Variants in ADCY2 observed in about 807,000 individuals in gnomAD.
ADCY2 encodes adenylate cyclase type 2.
In ADCY2, 31 loss-of-function variants were observed where a neutral mutation model predicts 125.2. That is an observed-to-expected ratio of 0.25 (90% CI 0.19 to 0.33). ADCY2 has a LOEUF of 0.33. ADCY2 is among the 10% of genes least tolerant of loss of function. The pLI, the probability that ADCY2 is intolerant of heterozygous loss-of-function variation, is 1.00. For missense variants in ADCY2, 904 were observed against 1,418.2 expected (o/e 0.64, Z 5.82); for synonymous variants, 512 against 548.4 (o/e 0.93, Z 0.93).
chr5:7,763,262 TTG>T (rs1743288517), intron 16 of ADCY2, among the ~76,000 whole-genome samples: 1 of 151,302 alleles, frequency 6.6e-6, no homozygotes, highest in Admixed American at 6.6e-5. Flanking sequence ...GGCCAATTTT[TTG>T]TATTTTTTAG....
At chr5:7,698,170 G>T in intron 6 of ADCY2, 77 bp from the exon 7 acceptor site, 1 of 1,573,340 alleles carries the variant, frequency 6.4e-7, no homozygotes. Context: ...CAGAGCTGGC[G>T]CTTGATGATA....
chr5:7,815,793 G>A (rs1745093032), intron 22 of ADCY2, among the ~76,000 whole-genome samples: 1 of 152,168 alleles, frequency 6.6e-6, no homozygotes, highest in Admixed American at 6.5e-5. Flanking sequence ...AGTAAATGAG[G>A]AAATTGTTAC....
chr5:7,697,244 A>T (rs1740923651), intron 6 of ADCY2, among the ~76,000 whole-genome samples: 1 of 152,140 alleles, frequency 6.6e-6, no homozygotes, highest in African/African-American at 2.4e-5. Context: ...GAAGGACACA[A>T]TTCATTACCC....
In ADCY2 at chr5:7,802,270, C is replaced by T; in HGVS notation, c.2681C>T (p.Pro894Leu). Residue 894 changes from proline to leucine, a missense_variant, in exon 21 of 25, where the codon CCG (proline) becomes CTG (leucine). Pro to Leu is a moderately conservative substitution (Grantham distance 98, BLOSUM62 -3). Around this residue, in one of 7 missense-constraint regions of ADCY2, gnomAD observed 181 missense variants for 381.6 expected, o/e 0.47. Coordinates refer to ENST00000338316, the MANE Select transcript of ADCY2 (RefSeq NM_020546.3). The surrounding 1 kb of genome is among the most constrained non-coding windows in gnomAD (Gnocchi z 4.6). ...GTCTGCGTCATGTTTGCCTCCATTC[C>T]GGATTTCAAAGAATTTTATACAGAA... is the stretch of plus-strand genomic sequence containing the variant. ...DCVCVMFASI[P>L]DFKEFYTESD... The T allele has an allele frequency of 1.9e-6, 3 of 1,614,086 alleles. No homozygotes were observed. Among genetic ancestry groups the T allele is most frequent in the Non-Finnish European group, 2.5e-6 (3 of 1,179,954 alleles).
At chr5:7,629,389 C>G (rs879502157) in intron 4 of ADCY2, among the ~76,000 whole-genome samples, 2 of 152,166 alleles carry the variant, frequency 1.3e-5, no homozygotes, top group Non-Finnish European at 2.9e-5. Context: ...AATTGCAAAA[C>G]TCCATGCTGT....
At chr5:7,663,386 T>G (rs182939279) in intron 4 of ADCY2, among the ~76,000 whole-genome samples, 1 of 152,230 alleles carries the variant, frequency 6.6e-6, no homozygotes, top group South Asian at 2.1e-4. Flanking sequence ...TGTCTCTGGG[T>G]GCACTTTTGT....
At chr5:7,806,280 A>G (rs1744759200) in intron 22 of ADCY2, among the ~76,000 whole-genome samples, 1 of 152,110 alleles carries the variant, frequency 6.6e-6, no homozygotes, top group Non-Finnish European at 1.5e-5. Flanking sequence ...ATGCTCCTCC[A>G]ATGCCTTTAA....
Position 7,824,360 on chromosome 5 carries a change from G to A in ADCY2, c.3124-2359G>A, listed in dbSNP as rs115358687. 6.5e-3 allele frequency among the ~76,000 whole-genome samples: 986 copies of A among 152,222 alleles called. 5 individuals are homozygous for A. Among genetic ancestry groups the A allele is most frequent in the Non-Finnish European group, 9.9e-3 (671 of 68,020 alleles). On this transcript the variant is annotated intron_variant, in intron 24 of 24. Transcript: ENST00000338316. ...CCTCCCGGTTTCCCATTAATCATGC[G>A]GTGCTGATTGGCGGGTGGTTCGGCA...
intron 3 of ADCY2, among the ~76,000 whole-genome samples, chr5:7,609,345 G>T (rs1001931214): frequency 1.3e-5 from 2 of 152,218 alleles, no homozygotes; most frequent in African/African-American, 4.8e-5. Context: ...GCCCATAAGG[G>T]CAGGGCTTTG....
intron 18 of ADCY2, among the ~76,000 whole-genome samples, chr5:7,778,878 G>A (rs904521265): frequency 6.6e-6 from 1 of 152,206 alleles, no homozygotes; most frequent in African/African-American, 2.4e-5. Flanking sequence ...GGGGCAGATG[G>A]TCTGTGGATA....
chr5:7,656,742 G>A (rs2126687920), intron 4 of ADCY2, among the ~76,000 whole-genome samples: 1 of 152,320 alleles, frequency 6.6e-6, no homozygotes, highest in South Asian at 2.1e-4. Context: ...AGGCAGATGT[G>A]CGATTGTAAT....
intron 3 of ADCY2, among the ~76,000 whole-genome samples, chr5:7,574,916 C>T (rs1269873356): frequency 6.6e-6 from 1 of 151,874 alleles, no homozygotes; most frequent in African/African-American, 2.4e-5. Flanking sequence ...TTTTTACACC[C>T]AAATAAAATA....
At chr5:7,466,003 G>T (rs1351030424) in intron 2 of ADCY2, among the ~76,000 whole-genome samples, 1 of 152,140 alleles carries the variant, frequency 6.6e-6, no homozygotes, top group Non-Finnish European at 1.5e-5. Context: ...CTACCTTCCA[G>T]ATGACCCCAA....
At chr5:7,763,253 G>A (rs1743288053) in intron 16 of ADCY2, among the ~76,000 whole-genome samples, 1 of 151,566 alleles carries the variant, frequency 6.6e-6, no homozygotes, top group African/African-American at 2.4e-5. Context: ...ACCACGCCCG[G>A]CCAATTTTTT....
At chr5:7,504,617 C>CTTTTTTTTTTT (rs563915228) in intron 2 of ADCY2, among the ~76,000 whole-genome samples, 4 of 138,042 alleles carry the variant, frequency 2.9e-5, no homozygotes, top group Non-Finnish European at 3.2e-5. Flanking sequence ...TTTTTTCTTT[C>CTTTTTTTTTTT]TTTTTTTTTT....
intron 2 of ADCY2, among the ~76,000 whole-genome samples, chr5:7,438,774 A>G (rs1465542037): frequency 6.6e-6 from 1 of 152,230 alleles, no homozygotes; most frequent in Non-Finnish European, 1.5e-5. Flanking sequence ...CATGTGTCAC[A>G]GAGAAAATGC....
intron 2 of ADCY2, among the ~76,000 whole-genome samples, chr5:7,432,577 C>T (rs564837370): frequency 3.3e-5 from 5 of 152,308 alleles, no homozygotes; most frequent in Admixed American, 2.6e-4. Context: ...CTGGAGTTCA[C>T]CCCAGCTGGC....
chr5:7,609,266 C>A (rs1038171212), intron 3 of ADCY2, among the ~76,000 whole-genome samples: 1 of 152,208 alleles, frequency 6.6e-6, no homozygotes, highest in African/African-American at 2.4e-5. Context: ...ACAAAGTTTT[C>A]TCACTAAATA....
chr5:7,415,106 CAT>C (rs1739888078), intron 2 of ADCY2, among the ~76,000 whole-genome samples: 1 of 152,090 alleles, frequency 6.6e-6, no homozygotes, highest in African/African-American at 2.4e-5. Context: ...TTATATGCAA[CAT>C]GTCACTTCCA....
Sources: allele counts gnomAD v4.1 joint callset (sites outside exome capture counted in the v4.1 genomes callset), GRCh38; gene constraint gnomAD v4.1.1; regional missense constraint gnomAD v4.1.1; non-coding constraint Gnocchi (gnomAD v3.1); transcripts MANE v1.5; gene names NCBI Gene and HGNC (gene_info 2026-07-23, HGNC 2026-07-21).